MYO6: variants seen among roughly 807,000 people sequenced by gnomAD.
The protein encoded by MYO6 is unconventional myosin-VI.
Under a neutral mutation model 178.7 loss-of-function variants are expected in MYO6, and 74 were observed. That is an observed-to-expected ratio of 0.41 (90% confidence interval 0.34 to 0.50). The LOEUF (loss-of-function observed/expected upper bound fraction) is 0.50. MYO6 is among the 20% of genes least tolerant of loss of function. The probability of loss-of-function intolerance (pLI) is 0.09; values close to 1 mark genes in which losing one functional copy is unlikely to be tolerated. For missense variants in MYO6, 1,330 were observed against 1,547.4 expected (o/e 0.86, Z 2.36); for synonymous variants, 477 against 504.6 (o/e 0.95, Z 0.73).
chr6:75,823,577 C>A (rs912671900), intron 3 of MYO6, among the ~76,000 whole-genome samples: 1 of 152,194 alleles, frequency 6.6e-6, no homozygotes, highest in Admixed American at 6.5e-5. Flanking sequence ...TAAAAACTCT[C>A]CATTTGAGAA....
intron 13 of MYO6, 22 bp downstream of exon 13, chr6:75,857,276 A>C: frequency 1.2e-6 from 2 of 1,604,722 alleles, no homozygotes; most frequent in Non-Finnish European, 1.7e-6. Context: ...TTCTTTTGTG[A>C]GTATATATTT....
chr6:75,833,074 C>T (rs1773281422), intron 6 of MYO6, 127 bp downstream of exon 6: 4 of 701,702 alleles, frequency 5.7e-6, no homozygotes, highest in Non-Finnish European at 1.0e-5. Flanking sequence ...GTAGCCTTGA[C>T]CTCCTGGGCT....
At chr6:75,859,460 C>T (rs7773977) in intron 14 of MYO6, among the ~76,000 whole-genome samples, 39,682 of 151,138 alleles carry the variant, frequency 0.26, 5,817 homozygotes, top group Middle Eastern at 0.39. Flanking sequence ...CTACCATGCC[C>T]AACAAATTTT....
chr6:75,797,627 G>A (rs1246703755), intron 1 of MYO6, among the ~76,000 whole-genome samples: 1 of 151,886 alleles, frequency 6.6e-6, no homozygotes, highest in African/African-American at 2.4e-5. Context: ...TCCACCTTCT[G>A]GGCTCAAGCC....
chr6:75,898,978 G>A (rs1779519904), intron 30 of MYO6, among the ~76,000 whole-genome samples: 1 of 152,066 alleles, frequency 6.6e-6, no homozygotes, highest in Admixed American at 6.6e-5. Context: ...AATTAAAAGT[G>A]TTAATATATT....
Position 75,867,432 on chromosome 6 carries a change from G to A in MYO6, c.1944+327G>A, listed in dbSNP as rs959927995. The A allele has an allele frequency of 3.9e-5, 10 of 253,538 alleles. No homozygotes were observed. The East Asian group carries it at 5.3e-4, about 13-fold the overall frequency. The allele number at this position is 253,538 out of a possible 1,614,324, so 15.7% of individuals were successfully genotyped here. A position where few individuals can be genotyped will look rare whatever the true frequency, so the allele number is the denominator to read the frequency against. On this transcript the variant is annotated intron_variant, in intron 18 of 34. Transcript: ENST00000369977. ...TTTTCTGTTTCCTTCCTCATTCAGC[G>A]GTTTTGTTTTAGCTGGAGTAGTCCA...
chr6:75,895,710 G>T (rs1286439660), intron 29 of MYO6, among the ~76,000 whole-genome samples: 1 of 151,852 alleles, frequency 6.6e-6, no homozygotes, highest in Non-Finnish European at 1.5e-5. Context: ...TAGAGACGGG[G>T]TTTCACCATG....
rs768233363 is a variant in MYO6 at position 75,862,718 on chromosome 6, C to A, written c.1669C>A (p.Leu557Ile). The A allele has an allele frequency of 1.6e-5, 26 of 1,614,048 alleles. No homozygotes were observed. The highest frequency in any genetic ancestry group is 2.0e-5 in the Non-Finnish European group (24 of 1,179,974). Reference sequence around the variant, plus strand: ...CCAAAAGCACAAGGATCATTTTCGACTCACTGTGAGTTTTGCCATTCTGAA... The same window carrying A: ...CCAAAAGCACAAGGATCATTTTCGAATCACTGTGAGTTTTGCCATTCTGAA... Reference protein sequence around the residue: ...VHQKHKDHFRLTIPRKSKLAV... With the variant: ...VHQKHKDHFRITIPRKSKLAV... The change falls in exon 16 of 35, where the codon CTC becomes ATC. Residue 557 changes from leucine to isoleucine, a missense_variant. Transcript: ENST00000369977.
chr6:75,881,558 G>T, intron 22 of MYO6, 131 bp from the exon 23 acceptor site: 1 of 849,436 alleles, frequency 1.2e-6, no homozygotes, highest in Non-Finnish European at 1.9e-6. Flanking sequence ...TCTCTGCCAA[G>T]GCCTATGTAA....
chr6:75,858,441 AC>A (rs1775910133), intron 13 of MYO6, among the ~76,000 whole-genome samples: 1 of 152,132 alleles, frequency 6.6e-6, no homozygotes, highest in South Asian at 2.1e-4. Flanking sequence ...CCCTGTCTCT[AC>A]TAAAAATACA....
chr6:75,888,194 A>G (rs1778613771), intron 25 of MYO6, among the ~76,000 whole-genome samples: 1 of 152,008 alleles, frequency 6.6e-6, no homozygotes, highest in South Asian at 2.1e-4. Context: ...AGGCAGGAGA[A>G]TTGCTTGAAC....
At chr6:75,869,909 C>T (rs574030876) in intron 18 of MYO6, among the ~76,000 whole-genome samples, 13 of 151,304 alleles carry the variant, frequency 8.6e-5, no homozygotes, top group Admixed American at 5.9e-4. Flanking sequence ...GTCAGGAGAT[C>T]GAGACCATCC....
chr6:75,832,764 T>C (rs1177425665), intron 5 of MYO6, 78 bp from the exon 6 acceptor site: 6 of 811,760 alleles, frequency 7.4e-6, no homozygotes, highest in Non-Finnish European at 1.3e-5. Context: ...TAAGAGTAAG[T>C]GGTCCTAAAG....
chr6:75,810,781 C>T (rs1770622473), intron 1 of MYO6, among the ~76,000 whole-genome samples: 1 of 152,160 alleles, frequency 6.6e-6, no homozygotes, highest in Non-Finnish European at 1.5e-5. Context: ...GGAGTTAAGG[C>T]CAAGGTTGAG....
At chr6:75,897,499 T>C (rs3798426) in intron 29 of MYO6, among the ~76,000 whole-genome samples, 59,038 of 151,988 alleles carry the variant, frequency 0.39, 12,557 homozygotes, top group Middle Eastern at 0.54. Context: ...TACAGGAGTG[T>C]TCTACTCCTT....
At chr6:75,871,655 T>TA (rs1331445196) in intron 19 of MYO6, among the ~76,000 whole-genome samples, 2 of 152,218 alleles carry the variant, frequency 1.3e-5, no homozygotes, top group East Asian at 3.8e-4. Flanking sequence ...TTGGAACCAT[T>TA]AAAAATCTTT....
chr6:75,909,862 C>T (rs984526168), intron 32 of MYO6, among the ~76,000 whole-genome samples: 1 of 152,128 alleles, frequency 6.6e-6, no homozygotes, highest in Non-Finnish European at 1.5e-5. Context: ...TTCCTCACTA[C>T]CTTCCAAGTA....
At chr6:75,802,452 G>C (rs1414085819) in intron 1 of MYO6, among the ~76,000 whole-genome samples, 1 of 148,732 alleles carries the variant, frequency 6.7e-6, no homozygotes, top group African/African-American at 2.5e-5. Context: ...CTGGGTGACA[G>C]AGCGAGACTC....
intron 23 of MYO6, among the ~76,000 whole-genome samples, chr6:75,885,718 T>G (rs958282834): frequency 6.6e-6 from 1 of 152,094 alleles, no homozygotes; most frequent in Non-Finnish European, 1.5e-5. Context: ...AGTGCTGGGA[T>G]TACAGGCGTG....
Sources: gnomAD v4.1 joint callset for allele counts (sites outside exome capture counted in the v4.1 genomes callset) on GRCh38, gnomAD v4.1.1 for gene constraint, MANE v1.5 for transcripts, NCBI Gene and HGNC (gene_info 2026-07-23, HGNC 2026-07-21) for gene names.